CTNNA3: variants seen among roughly 807,000 people sequenced by gnomAD.
CTNNA3 encodes catenin alpha-3.
CTNNA3 carries 76 observed loss-of-function variants against 95.7 expected under a neutral mutation model. The ratio of observed to expected loss-of-function variants is 0.79; its 90% CI spans 0.66 to 0.96. CTNNA3 has a LOEUF of 0.96. Among genes scored for constraint, CTNNA3 ranks in the 40% least tolerant of loss-of-function variants. The pLI, the probability that CTNNA3 is intolerant of heterozygous loss-of-function variation, is 0.00. For synonymous variants in CTNNA3, 431 were observed against 374.4 expected (o/e 1.15, Z -1.74); for missense variants, 1,191 against 1,089.8 (o/e 1.09, Z -1.31).
intron 11 of CTNNA3, among the ~76,000 whole-genome samples, chr10:66,422,229 G>C (rs1333171063): frequency 6.6e-6 from 1 of 151,976 alleles, no homozygotes; most frequent in Non-Finnish European, 1.5e-5. Context: ...TTTTAATGCT[G>C]ATCACAAATT....
chr10:67,243,056 T>A (rs1389634471), intron 5 of CTNNA3, among the ~76,000 whole-genome samples: 1 of 152,194 alleles, frequency 6.6e-6, no homozygotes, highest in African/African-American at 2.4e-5. Flanking sequence ...TTTTCTTAGA[T>A]GACAGCAACC....
intron 5 of CTNNA3, among the ~76,000 whole-genome samples, chr10:67,235,656 T>A (rs1277121178): frequency 2.1e-5 from 3 of 142,098 alleles, no homozygotes; most frequent in Non-Finnish European, 4.6e-5. Flanking sequence ...AAGCCAAAAT[T>A]GACAAATGGG....
intron 14 of CTNNA3, among the ~76,000 whole-genome samples, chr10:66,101,977 A>T (rs2081650965): frequency 6.6e-6 from 1 of 151,962 alleles, no homozygotes; most frequent in Non-Finnish European, 1.5e-5. Context: ...GAATATCAAC[A>T]TTTTTTTTAA....
intron 7 of CTNNA3, among the ~76,000 whole-genome samples, chr10:66,856,964 C>T (rs1843707649): frequency 6.6e-6 from 1 of 151,946 alleles, no homozygotes; most frequent in African/African-American, 2.4e-5. Context: ...GCATTTTTGT[C>T]ATGAAAATTT....
intron 2 of CTNNA3, among the ~76,000 whole-genome samples, chr10:67,646,465 A>G (rs1254092516): frequency 1.3e-5 from 2 of 152,012 alleles, no homozygotes; most frequent in African/African-American, 2.4e-5. Flanking sequence ...AGGGATGCAC[A>G]TGTTTTGAAT....
At chr10:67,743,050 C>T (rs1337881865) in intron 1 of CTNNA3, among the ~76,000 whole-genome samples, 1 of 151,270 alleles carries the variant, frequency 6.6e-6, no homozygotes, top group Non-Finnish European at 1.5e-5. Context: ...CAGATGGATT[C>T]ACAGCCGAAT....
chr10:66,092,135 T>C (rs1391258623), intron 14 of CTNNA3, among the ~76,000 whole-genome samples: 3 of 151,830 alleles, frequency 2.0e-5, no homozygotes, highest in Admixed American at 6.6e-5. Flanking sequence ...CAATATCCAA[T>C]CTTTTAGCAA....
Position 65,915,961 on chromosome 10 carries a change from A to G in CTNNA3, c.*4369T>C, listed in dbSNP as rs2077002476. ...CTCATTCAAAACATTTTTAACTACA[A>G]CTAGTTTTAATAGCATCCATGTTTT... On this transcript the variant is annotated 3_prime_UTR_variant, in exon 18 of 18. Coordinates refer to ENST00000433211, the MANE Select transcript of CTNNA3 (RefSeq NM_013266.4). 1 of 152,170 alleles carries G rather than the reference A, an allele frequency of 6.6e-6. No homozygotes were observed. Among genetic ancestry groups the G allele is most frequent in the Non-Finnish European group, 1.5e-5 (1 of 68,036 alleles). 9.4% of individuals were successfully genotyped at this position (152,170 alleles called of 1,614,324 possible).
intron 11 of CTNNA3, among the ~76,000 whole-genome samples, chr10:66,474,284 C>T (rs1839244141): frequency 6.6e-6 from 1 of 152,026 alleles, no homozygotes; most frequent in Non-Finnish European, 1.5e-5. Flanking sequence ...CTTTAGATTT[C>T]ACATATGAGT....
chr10:67,025,515 C>A (rs935975472), intron 7 of CTNNA3, among the ~76,000 whole-genome samples: 1 of 152,006 alleles, frequency 6.6e-6, no homozygotes, highest in African/African-American at 2.4e-5. Context: ...ATAATAAAAG[C>A]AAGTTTATTA....
chr10:67,108,030 C>T (rs1858745476), intron 7 of CTNNA3, among the ~76,000 whole-genome samples: 1 of 152,164 alleles, frequency 6.6e-6, no homozygotes, highest in African/African-American at 2.4e-5. Flanking sequence ...GGCCATGGGA[C>T]AAGAGGCCTA....
intron 15 of CTNNA3, among the ~76,000 whole-genome samples, chr10:66,060,286 AAAT>A: frequency 6.6e-6 from 1 of 152,184 alleles, no homozygotes; most frequent in South Asian, 2.1e-4. Flanking sequence ...TTTATGAAAA[AAAT>A]AATATCTAAT....
rs530039842 is a variant in CTNNA3 at position 66,933,337 on chromosome 10, G to A, written c.1048-157813C>T. On this transcript the variant is annotated intron_variant, in intron 7 of 17. Transcript: ENST00000433211. The stretch of plus-strand genomic sequence containing the variant: ...AATGTACAACAGACATAAAGACACC[G>A]ACCAGCGAACACTAAAACAAATAAT... Among the ~76,000 whole-genome samples, 18 of 152,234 alleles carry A rather than the reference G, an allele frequency of 1.2e-4. No individual in the cohort carries two copies. The East Asian group carries it at 2.3e-3, about 20-fold the overall frequency.
intron 7 of CTNNA3, among the ~76,000 whole-genome samples, chr10:67,027,950 T>G (rs1853492034): frequency 6.6e-6 from 1 of 152,194 alleles, no homozygotes; most frequent in Admixed American, 6.5e-5. Context: ...TTATAAAATC[T>G]CCATCTGTTT....
intron 1 of CTNNA3, among the ~76,000 whole-genome samples, chr10:67,742,570 C>A: frequency 6.6e-6 from 1 of 150,670 alleles, no homozygotes; most frequent in Non-Finnish European, 1.5e-5. Flanking sequence ...AAATTGACAC[C>A]CTAACATCAC....
intron 7 of CTNNA3, among the ~76,000 whole-genome samples, chr10:67,126,395 C>T (rs1446137902): frequency 2.0e-5 from 3 of 152,086 alleles, no homozygotes; most frequent in African/African-American, 7.2e-5. Flanking sequence ...GGCGTGGCGG[C>T]GCGTGCCTGT....
At chr10:67,425,912 G>A (rs1845907430) in intron 5 of CTNNA3, among the ~76,000 whole-genome samples, 1 of 152,076 alleles carries the variant, frequency 6.6e-6, no homozygotes, top group Non-Finnish European at 1.5e-5. Flanking sequence ...GCTGCAGAGA[G>A]ACATCCTGTT....
At chr10:67,559,030 T>C (rs1172172349) in intron 3 of CTNNA3, among the ~76,000 whole-genome samples, 2 of 152,220 alleles carry the variant, frequency 1.3e-5, no homozygotes, top group African/African-American at 4.8e-5. Flanking sequence ...GAGGCCTGCC[T>C]GCCTCTGTAG....
intron 9 of CTNNA3, among the ~76,000 whole-genome samples, chr10:66,711,258 C>CAAAAAAAAAAAAA (rs56013857): frequency 1.7e-5 from 2 of 118,150 alleles, no homozygotes; most frequent in African/African-American, 3.2e-5. Flanking sequence ...GAACAAGAAA[C>CAAAAAAAAAAAAA]AAAAAAAAAA....
Sources: gnomAD v4.1 joint callset for allele counts (sites outside exome capture counted in the v4.1 genomes callset) on GRCh38, gnomAD v4.1.1 for gene constraint, MANE v1.5 for transcripts, NCBI Gene and HGNC (gene_info 2026-07-23, HGNC 2026-07-21) for gene names.